The following AKR1C8 variants were observed in gnomAD, a reference collection of about 807,000 sequenced individuals.
AKR1C8 encodes aldo-keto reductase family 1 member C-like protein 1.
At chr10:5,132,857 T>G in the AKR1C8 span, 1 of 580,482 alleles carries the variant, frequency 1.7e-6, no homozygotes, top group Non-Finnish European at 2.9e-6. Context: ...AAAAATCACA[T>G]TATTCTTGCA....
At chr10:5,148,298 G>A in the AKR1C8 span, among the ~76,000 whole-genome samples, 1 of 152,060 alleles carries the variant, frequency 6.6e-6, no homozygotes, top group Admixed American at 6.6e-5. Context: ...AAGTGGGGAG[G>A]AGAGATGCAG....
the AKR1C8 span, chr10:5,184,958 T>C: frequency 1.9e-6 from 1 of 528,136 alleles, no homozygotes. Flanking sequence ...GCCTGATGAC[T>C]GCCCTGCAAG....
chr10:5,159,161 A>G, the AKR1C8 span, among the ~76,000 whole-genome samples: 1 of 152,290 alleles, frequency 6.6e-6, no homozygotes, highest in South Asian at 2.1e-4. Flanking sequence ...AAATATGGAA[A>G]CTTGAGCATC....
chr10:5,164,790 C>T, the AKR1C8 span, among the ~76,000 whole-genome samples: 3 of 152,078 alleles, frequency 2.0e-5, no homozygotes, highest in Non-Finnish European at 4.4e-5. Context: ...ATTTACTGGC[C>T]GAGGCTACAT....
the AKR1C8 span, among the ~76,000 whole-genome samples, chr10:5,169,542 T>C: frequency 7.4e-3 from 247 of 33,280 alleles, 2 homozygotes; most frequent in Admixed American, 0.021. Flanking sequence ...AGAAGTAACA[T>C]TTTTTTTCTT....
At chr10:5,149,293 C>A in the AKR1C8 span, among the ~76,000 whole-genome samples, 2 of 152,014 alleles carry the variant, frequency 1.3e-5, no homozygotes, top group Non-Finnish European at 2.9e-5. Context: ...TAGATTTTAT[C>A]AAAGACAAAT....
chr10:5,162,493 G>A, the AKR1C8 span, among the ~76,000 whole-genome samples: 41 of 152,144 alleles, frequency 2.7e-4, no homozygotes, highest in Admixed American at 2.6e-3. Context: ...GAGAAAAAGT[G>A]TTTTCTTGTC....
At chr10:5,161,711 C>T in the AKR1C8 span, 17 of 534,090 alleles carry the variant, frequency 3.2e-5, no homozygotes, top group Non-Finnish European at 5.0e-5. Flanking sequence ...AAGATACTCA[C>T]GAAAGTTTTG....
the AKR1C8 span, among the ~76,000 whole-genome samples, chr10:5,126,219 G>C: frequency 9.2e-5 from 14 of 152,108 alleles, no homozygotes; most frequent in Non-Finnish European, 1.9e-4. Context: ...AAGAAGCTCT[G>C]CATGGGTACA....
the AKR1C8 span, chr10:5,123,853 A>G: frequency 6.3e-7 from 1 of 1,587,150 alleles, no homozygotes; most frequent in Non-Finnish European, 8.6e-7. Flanking sequence ...AACATCAGAT[A>G]ATATGAAACA....
the AKR1C8 span, among the ~76,000 whole-genome samples, chr10:5,125,556 C>A: frequency 6.6e-6 from 1 of 152,138 alleles, no homozygotes; most frequent in African/African-American, 2.4e-5. Flanking sequence ...ATTACAGCAT[C>A]CCTGGGTAGA....
chr10:5,155,734 T>C, the AKR1C8 span: 1 of 477,052 alleles, frequency 2.1e-6, no homozygotes, highest in East Asian at 6.5e-5. Context: ...TCATGTCCTC[T>C]GGAGTCAACT....
At chr10:5,177,514 C>A in the AKR1C8 span, among the ~76,000 whole-genome samples, 1 of 152,124 alleles carries the variant, frequency 6.6e-6, no homozygotes, top group African/African-American at 2.4e-5. Flanking sequence ...AGGGAGGCTT[C>A]CTTCTTTTTC....
the AKR1C8 span, among the ~76,000 whole-genome samples, chr10:5,161,371 T>A: frequency 6.6e-6 from 1 of 152,064 alleles, no homozygotes; most frequent in African/African-American, 2.4e-5. Flanking sequence ...TGATGAGAGG[T>A]TAGATCAGCG....
chr10:5,169,133 G>A, the AKR1C8 span, among the ~76,000 whole-genome samples: 1 of 152,172 alleles, frequency 6.6e-6, no homozygotes, highest in Non-Finnish European at 1.5e-5. Context: ...TGCCTGAGCT[G>A]TCTTTTCTGT....
At chr10:5,179,942 G>A in the AKR1C8 span, among the ~76,000 whole-genome samples, 2 of 152,268 alleles carry the variant, frequency 1.3e-5, no homozygotes, top group East Asian at 3.9e-4. Context: ...GCTCAGAGTA[G>A]TTTGATCATC....
chr10:5,123,725 T>A, the AKR1C8 span: 1 of 1,612,006 alleles, frequency 6.2e-7, no homozygotes, highest in Non-Finnish European at 8.5e-7. Context: ...GTTCATGTCG[T>A]TGGGTTCCCA....
the AKR1C8 span, among the ~76,000 whole-genome samples, chr10:5,138,238 C>A: frequency 4.6e-5 from 7 of 152,150 alleles, no homozygotes; most frequent in South Asian, 1.2e-3. Context: ...TTATCTCAAC[C>A]ACATAAGAAA....
the AKR1C8 span, chr10:5,161,622 T>C: frequency 5.8e-6 from 3 of 513,498 alleles, no homozygotes; most frequent in Non-Finnish European, 1.2e-5. Flanking sequence ...GGAAGTGAGA[T>C]CATTGAATCT....
Sources: gnomAD v4.1 joint callset for allele counts (sites outside exome capture counted in the v4.1 genomes callset) on GRCh38, gnomAD v4.1.1 for gene constraint, MANE v1.5 for transcripts, NCBI Gene and HGNC (gene_info 2026-07-23, HGNC 2026-07-21) for gene names.